The following SH2D4A variants were observed in gnomAD, a reference collection of about 807,000 sequenced individuals.
SH2D4A encodes the protein SH2 domain containing 4A.
A neutral mutation model predicts 64.7 loss-of-function variants in SH2D4A; 70 were observed. The ratio of observed to expected loss-of-function variants is 1.08; its 90% CI spans 0.89 to 1.32. The LOEUF is 1.32. Among genes scored for constraint, SH2D4A ranks in the 40% most tolerant of loss-of-function variants. SH2D4A has a pLI of 0.00. For synonymous variants in SH2D4A, 268 were observed against 200.7 expected (o/e 1.34, Z -2.83); for missense variants, 706 against 540.1 (o/e 1.31, Z -3.04).
At chr8:19,332,525 C>T (rs2052377899) in intron 2 of SH2D4A, among the ~76,000 whole-genome samples, 1 of 151,804 alleles carries the variant, frequency 6.6e-6, no homozygotes, top group South Asian at 2.1e-4. Flanking sequence ...TGGTGAAACC[C>T]TGTCTCTACT....
intron 4 of SH2D4A, among the ~76,000 whole-genome samples, chr8:19,338,572 A>G (rs553746485): frequency 2.6e-5 from 4 of 151,856 alleles, no homozygotes; most frequent in African/African-American, 9.7e-5. Flanking sequence ...GATCAGAGAC[A>G]TGTGATGTTC....
At chr8:19,329,892 A>C (rs549171871) in intron 2 of SH2D4A, among the ~76,000 whole-genome samples, 3 of 152,158 alleles carry the variant, frequency 2.0e-5, no homozygotes, top group African/African-American at 4.8e-5. Context: ...TTCTTTTGCA[A>C]ATTGCCCAGT....
chr8:19,343,484 GT>G (rs1324528854), intron 4 of SH2D4A, among the ~76,000 whole-genome samples: 1 of 151,992 alleles, frequency 6.6e-6, no homozygotes, highest in African/African-American at 2.4e-5. Context: ...TATCTCATGG[GT>G]TTTTGGTGGA....
chr8:19,380,775 G>A (rs1397027011), intron 8 of SH2D4A, among the ~76,000 whole-genome samples: 2 of 152,120 alleles, frequency 1.3e-5, no homozygotes, highest in South Asian at 4.1e-4. Flanking sequence ...GATTACTGTA[G>A]CATTGTAGTA....
chr8:19,327,588 G>T (rs756615873), intron 2 of SH2D4A, among the ~76,000 whole-genome samples: 32 of 152,038 alleles, frequency 2.1e-4, no homozygotes, highest in Non-Finnish European at 4.0e-4. Context: ...TCATTCCCTG[G>T]GTGTCACCCT....
chr8:19,337,889 A>T (rs1416322068), intron 4 of SH2D4A, among the ~76,000 whole-genome samples: 2 of 152,140 alleles, frequency 1.3e-5, no homozygotes, highest in Non-Finnish European at 2.9e-5. Flanking sequence ...TTGGGTGGGG[A>T]CACAGCCAAA....
At chr8:19,360,380 T>G (rs932868746) in intron 5 of SH2D4A, among the ~76,000 whole-genome samples, 1 of 151,578 alleles carries the variant, frequency 6.6e-6, no homozygotes, top group African/African-American at 2.4e-5. Flanking sequence ...TTTGGGAGGC[T>G]GAGGCAGTGG....
At chr8:19,378,821 G>A (rs558348954) in intron 8 of SH2D4A, among the ~76,000 whole-genome samples, 44 of 151,132 alleles carry the variant, frequency 2.9e-4, no homozygotes, top group South Asian at 1.0e-3. Context: ...CAAGGAAGGC[G>A]GATCCTTTGA....
chr8:19,315,612 G>C (rs2052075168), intron 1 of SH2D4A, among the ~76,000 whole-genome samples: 1 of 152,230 alleles, frequency 6.6e-6, no homozygotes, highest in Non-Finnish European at 1.5e-5. Flanking sequence ...TTGGTGTTCA[G>C]AATAAATAGC....
intron 1 of SH2D4A, among the ~76,000 whole-genome samples, chr8:19,316,116 G>A (rs1393212974): frequency 6.6e-6 from 1 of 152,260 alleles, no homozygotes; most frequent in East Asian, 1.9e-4. Flanking sequence ...ATTAGAGGGT[G>A]AGGGGGACAG....
At chr8:19,359,658 C>G (rs2052847726) in intron 5 of SH2D4A, among the ~76,000 whole-genome samples, 1 of 151,000 alleles carries the variant, frequency 6.6e-6, no homozygotes, top group Admixed American at 6.6e-5. Flanking sequence ...TGTTGGCAAA[C>G]AAAAGGAGCT....
rs897755566 is a variant in SH2D4A, at chr8:19,321,722, TG to T, written c.181+1997del. On this transcript the variant is annotated intron_variant, in intron 2 of 9. Transcript: ENST00000265807. ...CCAGTCAGAGTTTTTCAGATATAAT[TG>T]GGTCTCTTCTGGGCACCATGTTCAC... Among the ~76,000 whole-genome samples, 29 of 152,282 alleles carry T rather than the reference TG, an allele frequency of 1.9e-4. No homozygotes were observed. The South Asian group carries it at 4.1e-3, about 22-fold the overall frequency.
intron 1 of SH2D4A, among the ~76,000 whole-genome samples, chr8:19,314,950 G>A (rs868541745): frequency 6.6e-6 from 1 of 152,140 alleles, no homozygotes. Context: ...CACAGAGCTG[G>A]CTGTTTTAAA....
At chr8:19,359,559 C>CT (rs768362149) in intron 5 of SH2D4A, among the ~76,000 whole-genome samples, 1 of 152,170 alleles carries the variant, frequency 6.6e-6, no homozygotes, top group Non-Finnish European at 1.5e-5. Context: ...GCACATGTAT[C>CT]TATCTTGGGC....
chr8:19,380,963 T>C (rs2053283255), intron 8 of SH2D4A, among the ~76,000 whole-genome samples: 2 of 152,178 alleles, frequency 1.3e-5, no homozygotes, highest in Non-Finnish European at 2.9e-5. Flanking sequence ...TTGCATAGTA[T>C]TGTTGTCTTA....
At chr8:19,361,682 C>G (rs559567108) in intron 6 of SH2D4A, among the ~76,000 whole-genome samples, 3 of 152,018 alleles carry the variant, frequency 2.0e-5, no homozygotes, top group African/African-American at 4.8e-5. Context: ...TTAGAAATGT[C>G]TAAGTATCTG....
intron 6 of SH2D4A, among the ~76,000 whole-genome samples, chr8:19,363,183 C>T (rs963195950): frequency 6.6e-6 from 1 of 152,260 alleles, no homozygotes; most frequent in Non-Finnish European, 1.5e-5. Context: ...TCAAGGGATT[C>T]TCCCGCCTCA....
intron 2 of SH2D4A, among the ~76,000 whole-genome samples, chr8:19,331,490 C>T (rs375203679): frequency 1.1e-3 from 174 of 152,092 alleles, no homozygotes; most frequent in South Asian, 2.1e-3. Context: ...TCCACCTGCC[C>T]CCGGTTTAAG....
At chr8:19,316,067 GGTCTGAGAAA>G (rs2052082328) in intron 1 of SH2D4A, among the ~76,000 whole-genome samples, 1 of 152,116 alleles carries the variant, frequency 6.6e-6, no homozygotes, top group Non-Finnish European at 1.5e-5. Flanking sequence ...CTTGAGTTGG[GGTCTGAGAAA>G]GCCTTGGAGC....
Sources: allele counts gnomAD v4.1 joint callset (sites outside exome capture counted in the v4.1 genomes callset), GRCh38; gene constraint gnomAD v4.1.1; transcripts MANE v1.5; gene names NCBI Gene and HGNC (gene_info 2026-07-23, HGNC 2026-07-21).